Variants in PPP3CA observed in about 807,000 individuals in gnomAD.
The protein encoded by PPP3CA is protein phosphatase 3 catalytic subunit alpha, also known as CAM-PRP catalytic subunit.
A neutral mutation model predicts 66.5 loss-of-function variants in PPP3CA; 14 were observed. That is an observed-to-expected ratio of 0.21 (90% CI 0.14 to 0.33). The LOEUF is 0.33. Ranked by LOEUF, PPP3CA falls within the 10% of genes least tolerant of loss-of-function variation. The pLI, the probability that PPP3CA is intolerant of heterozygous loss-of-function variation, is 1.00. For synonymous variants in PPP3CA, 232 were observed against 226.2 expected, an observed-to-expected ratio of 1.03 and a Z score of -0.23; for missense variants, 317 against 639.5, an observed-to-expected ratio of 0.50 and a Z score of 5.44.
intron 2 of PPP3CA, among the ~76,000 whole-genome samples, chr4:101,175,193 A>G (rs1724019068): frequency 6.6e-6 from 1 of 152,198 alleles, no homozygotes; most frequent in African/African-American, 2.4e-5. Context: ...TTCTGAAGCT[A>G]TAGAAACTGG....
chr4:101,249,454 C>T (rs924630414), intron 1 of PPP3CA, among the ~76,000 whole-genome samples: 2 of 152,012 alleles, frequency 1.3e-5, no homozygotes, highest in African/African-American at 4.8e-5. Context: ...TAGAAATTTT[C>T]ACCCATTGCA....
chr4:101,086,130 C>T (rs1291802030), intron 6 of PPP3CA, among the ~76,000 whole-genome samples: 1 of 151,914 alleles, frequency 6.6e-6, no homozygotes, highest in Non-Finnish European at 1.5e-5. Flanking sequence ...TTATAAAACA[C>T]ATTGAAGATA....
At chr4:101,145,480 A>T (rs1049524205) in intron 2 of PPP3CA, among the ~76,000 whole-genome samples, 2 of 152,168 alleles carry the variant, frequency 1.3e-5, no homozygotes, top group African/African-American at 4.8e-5. Flanking sequence ...TTGCAACAAC[A>T]TGGATGGAAA....
chr4:101,256,119 T>G (rs1206773865), intron 1 of PPP3CA, among the ~76,000 whole-genome samples: 2 of 151,976 alleles, frequency 1.3e-5, no homozygotes, highest in Non-Finnish European at 2.9e-5. Flanking sequence ...ATCAAGATTT[T>G]TATTGAAAAC....
chr4:101,231,270 A>G (rs1229208856), intron 1 of PPP3CA, among the ~76,000 whole-genome samples: 1 of 151,718 alleles, frequency 6.6e-6, no homozygotes. Flanking sequence ...GTAAGAGCAA[A>G]GCAAGAAATG....
intron 13 of PPP3CA, among the ~76,000 whole-genome samples, chr4:101,027,932 C>T (rs1726737277): frequency 6.6e-6 from 1 of 152,154 alleles, no homozygotes; most frequent in Non-Finnish European, 1.5e-5. Flanking sequence ...TAACACAACA[C>T]AGAGTCACAG....
intron 1 of PPP3CA, among the ~76,000 whole-genome samples, chr4:101,214,118 A>G (rs938004532): frequency 6.6e-5 from 10 of 152,146 alleles, no homozygotes; most frequent in Non-Finnish European, 1.5e-4. Context: ...TTTACTCTCA[A>G]ATAAGAGATT....
At chr4:101,058,403 G>T (rs1403640433) in intron 10 of PPP3CA, among the ~76,000 whole-genome samples, 3 of 152,156 alleles carry the variant, frequency 2.0e-5, no homozygotes, top group Non-Finnish European at 4.4e-5. Context: ...ACAAAAGTGA[G>T]AGATAAAGCT....
At chr4:101,046,526 C>G (rs1365060308) in intron 10 of PPP3CA, among the ~76,000 whole-genome samples, 1 of 151,812 alleles carries the variant, frequency 6.6e-6, no homozygotes, top group African/African-American at 2.4e-5. Context: ...TATATTTATA[C>G]TAAAATTTTT....
intron 6 of PPP3CA, among the ~76,000 whole-genome samples, chr4:101,088,089 A>C (rs898136268): frequency 5.3e-5 from 8 of 152,182 alleles, no homozygotes; most frequent in Non-Finnish European, 8.8e-5. Flanking sequence ...CCTTGGGGTT[A>C]GGATTCCCAA....
chr4:101,325,795 A>C (rs1286894929), intron 1 of PPP3CA, among the ~76,000 whole-genome samples: 1 of 152,184 alleles, frequency 6.6e-6, no homozygotes, highest in Non-Finnish European at 1.5e-5. Context: ...AATTCTAAAC[A>C]CTAGCCTCAC....
chr4:101,067,981 A>G (rs1247592891), intron 8 of PPP3CA, among the ~76,000 whole-genome samples: 1 of 152,138 alleles, frequency 6.6e-6, no homozygotes, highest in Non-Finnish European at 1.5e-5. Flanking sequence ...AAAACCTGTA[A>G]CTGTAATGAT....
chr4:101,310,789 A>G (rs1389123177), intron 1 of PPP3CA, among the ~76,000 whole-genome samples: 1 of 152,228 alleles, frequency 6.6e-6, no homozygotes, highest in African/African-American at 2.4e-5. Flanking sequence ...ATACAATGAA[A>G]GCACAAACAT....
chr4:101,125,832 G>A (rs1021903917), intron 2 of PPP3CA, among the ~76,000 whole-genome samples: 1 of 152,074 alleles, frequency 6.6e-6, no homozygotes, highest in Non-Finnish European at 1.5e-5. Flanking sequence ...TTATATTACA[G>A]ATCTAAATCC....
chr4:101,143,533 A>T (rs1722875071), intron 2 of PPP3CA, among the ~76,000 whole-genome samples: 1 of 152,152 alleles, frequency 6.6e-6, no homozygotes. Flanking sequence ...GCCTTGTCCC[A>T]GGCCATTCTA....
intron 10 of PPP3CA, among the ~76,000 whole-genome samples, chr4:101,043,480 G>T (rs1481641669): frequency 1.3e-5 from 2 of 150,814 alleles, no homozygotes; most frequent in African/African-American, 4.9e-5. Flanking sequence ...GCATATAAAA[G>T]ATATTCTACT....
At chr4:101,080,716 C>T in intron 7 of PPP3CA, 90 bp from the exon 8 acceptor site, 9 of 690,270 alleles carry the variant, frequency 1.3e-5, no homozygotes, top group Non-Finnish European at 2.0e-5. Flanking sequence ...TTAGATGAGT[C>T]AAGTTCCATC....
rs115386831 is a variant in PPP3CA at position 101,074,063 on chromosome 4, T to C, written c.955+6469A>G. Among the ~76,000 whole-genome samples the C allele has an allele frequency of 7.5e-3, 1,149 of 152,312 alleles. 14 individuals are homozygous for C. Among genetic ancestry groups the C allele is most frequent in the African/African-American group, 0.026 (1,097 of 41,564 alleles). On this transcript the variant is annotated intron_variant, in intron 8 of 13. Transcript: ENST00000394854. The stretch of plus-strand genomic sequence containing the variant: ...ATCCAACTTTTAAAGCAACCAGTGA[T>C]CATATTTAACCTGTGGTTGTAAGGA...
At chr4:101,299,864 C>A (rs907296319) in intron 1 of PPP3CA, among the ~76,000 whole-genome samples, 2 of 152,126 alleles carry the variant, frequency 1.3e-5, no homozygotes, top group East Asian at 1.9e-4. Flanking sequence ...CATCAAGGAC[C>A]AGCATGCCAC....
Sources: allele counts gnomAD v4.1 joint callset (sites outside exome capture counted in the v4.1 genomes callset), GRCh38; gene constraint gnomAD v4.1.1; transcripts MANE v1.5; gene names NCBI Gene and HGNC (gene_info 2026-07-23, HGNC 2026-07-21).